Variants in GALNTL6 observed in about 807,000 individuals in gnomAD.
GALNTL6 encodes polypeptide N-acetylgalactosaminyltransferase like 6.
Under a neutral mutation model 73.7 loss-of-function variants are expected in GALNTL6, and 46 were observed. The observed-to-expected ratio is 0.62, with a 90% confidence interval of 0.49 to 0.80. The LOEUF (loss-of-function observed/expected upper bound fraction) is 0.80, where lower values mean the gene tolerates loss of function less well. GALNTL6 is among the 30% of genes least tolerant of loss of function. The pLI, the probability that GALNTL6 is intolerant of heterozygous loss-of-function variation, is 0.00. For synonymous variants in GALNTL6, 259 were observed against 263.7 expected, an observed-to-expected ratio of 0.98 and a Z score of 0.17; for missense variants, 604 against 755.0, an observed-to-expected ratio of 0.80 and a Z score of 2.34.
At chr4:171,964,632 A>G (rs990570496) in intron 2 of GALNTL6, among the ~76,000 whole-genome samples, 10 of 152,118 alleles carry the variant, frequency 6.6e-5, no homozygotes, top group African/African-American at 2.2e-4. Flanking sequence ...ATATGATTAT[A>G]TTGTATTTTC....
chr4:172,182,358 C>G (rs1735275475), intron 2 of GALNTL6, among the ~76,000 whole-genome samples: 1 of 152,194 alleles, frequency 6.6e-6, no homozygotes, highest in South Asian at 2.1e-4. Context: ...GTTTTAGAAA[C>G]TATGAGGTAC....
chr4:172,069,590 T>TAC lies in GALNTL6; in HGVS notation c.139-160065_139-160064insCA, dbSNP rs1731486915. ...ACACATATATGTTATATATTATATATATAACACATATATGTTATATATATA... is the reference window on the plus strand; with the variant it reads ...ACACATATATGTTATATATTATATATACATAACACATATATGTTATATATATA... On this transcript the variant is annotated intron_variant, in intron 2 of 12. Transcript: ENST00000506823. Among the ~76,000 whole-genome samples, 2 of 65,744 alleles carry TAC rather than the reference T, an allele frequency of 3.0e-5. 1 individual carries two copies. The highest frequency in any genetic ancestry group is 7.2e-5 in the Non-Finnish European group (2 of 27,832). 43.1% of individuals were successfully genotyped at this position (65,744 alleles called of 152,430 possible). A position where few individuals can be genotyped will look rare whatever the true frequency, so the allele number is the denominator to read the frequency against.
At chr4:172,910,679 T>C (rs1747150377) in intron 8 of GALNTL6, among the ~76,000 whole-genome samples, 1 of 152,188 alleles carries the variant, frequency 6.6e-6, no homozygotes, top group South Asian at 2.1e-4. Flanking sequence ...ATCCAAGGTA[T>C]TGATTAGGCC....
chr4:172,032,346 T>C (rs1357543847), intron 2 of GALNTL6, among the ~76,000 whole-genome samples: 1 of 152,042 alleles, frequency 6.6e-6, no homozygotes, highest in Non-Finnish European at 1.5e-5. Flanking sequence ...ATATTGCTCA[T>C]ATTAAATTAA....
At chr4:171,887,383 G>T (rs147296767) in intron 2 of GALNTL6, among the ~76,000 whole-genome samples, 2 of 152,250 alleles carry the variant, frequency 1.3e-5, no homozygotes, top group African/African-American at 4.8e-5. Context: ...GATTTTAGGT[G>T]GTGAAGGGAC....
chr4:172,242,943 G>A (rs1429943622), intron 3 of GALNTL6, among the ~76,000 whole-genome samples: 1 of 152,174 alleles, frequency 6.6e-6, no homozygotes, highest in Non-Finnish European at 1.5e-5. Context: ...AAGCCAGAAG[G>A]ATCATCTGAA....
intron 5 of GALNTL6, among the ~76,000 whole-genome samples, chr4:172,401,061 T>C (rs953193934): frequency 1.3e-5 from 2 of 152,188 alleles, no homozygotes; most frequent in South Asian, 2.1e-4. Flanking sequence ...TAGTGACATA[T>C]TGAAAGGTGA....
chr4:172,668,959 A>C lies in GALNTL6; in HGVS notation c.554-140402A>C, dbSNP rs145063061. On this transcript the variant is annotated intron_variant, in intron 5 of 12. Transcript: ENST00000506823. ...CTGAAGTACTGAACTTGAAAACTCT[A>C]GAACCTGGGAAATGTAAGCATTAAA... 7.2e-5 allele frequency: 11 copies of C among 152,324 alleles called. No individual in the cohort carries two copies. In the East Asian group the frequency reaches 1.7e-3, roughly 24 times the overall value. 9.4% of individuals were successfully genotyped at this position (152,324 alleles called of 1,614,324 possible).
intron 2 of GALNTL6, among the ~76,000 whole-genome samples, chr4:172,055,078 T>C (rs1473471590): frequency 6.6e-6 from 1 of 152,116 alleles, no homozygotes; most frequent in Non-Finnish European, 1.5e-5. Context: ...GAAGACAGAA[T>C]CTCACTTTAT....
chr4:172,425,241 A>G (rs563063033), intron 5 of GALNTL6: 1 of 152,232 alleles, frequency 6.6e-6, no homozygotes, highest in South Asian at 2.1e-4. Flanking sequence ...CAAATCACAC[A>G]AAGGTATGCA....
rs145076463 is a variant in GALNTL6 at position 172,112,212 on chromosome 4, T to C, written c.139-117444T>C. ...ATGCATTTATGGCCTTTCCATATCT[T>C]TTCATGGCTTGATAGCTCACCTCTT... On this transcript the variant is annotated intron_variant, in intron 2 of 12. Coordinates refer to ENST00000506823, the MANE Select transcript of GALNTL6 (RefSeq NM_001034845.3). Among the ~76,000 whole-genome samples the C allele has an allele frequency of 1.4e-4, 22 of 152,216 alleles. No individual in the cohort carries two copies. The East Asian group carries it at 3.3e-3, about 23-fold the overall frequency.
At chr4:171,948,443 AT>A (rs1406666251) in intron 2 of GALNTL6, among the ~76,000 whole-genome samples, 3 of 152,176 alleles carry the variant, frequency 2.0e-5, no homozygotes, top group African/African-American at 7.2e-5. Flanking sequence ...GCTGGGGTAA[AT>A]TTGCCACTAA....
chr4:172,736,135 G>A (rs967168175), intron 5 of GALNTL6, among the ~76,000 whole-genome samples: 1 of 152,208 alleles, frequency 6.6e-6, no homozygotes, highest in Non-Finnish European at 1.5e-5. Context: ...ACAGGAAACA[G>A]GGTTTGAGAG....
At chr4:173,034,717 C>T (rs1753612504) in intron 12 of GALNTL6, among the ~76,000 whole-genome samples, 2 of 152,120 alleles carry the variant, frequency 1.3e-5, no homozygotes, top group African/African-American at 4.8e-5. Context: ...TCACACTGGC[C>T]CCACCCCTGG....
intron 5 of GALNTL6, among the ~76,000 whole-genome samples, chr4:172,797,310 GATATCGGCT>G (rs1740328389): frequency 6.6e-6 from 1 of 152,054 alleles, no homozygotes; most frequent in Admixed American, 6.6e-5. Context: ...TGGCGCTATG[GATATCGGCT>G]CACTGCAACC....
intron 11 of GALNTL6, among the ~76,000 whole-genome samples, chr4:173,016,401 G>A (rs1236778297): frequency 1.3e-5 from 2 of 152,226 alleles, no homozygotes; most frequent in Non-Finnish European, 2.9e-5. Context: ...GCTGGGAGGG[G>A]GCTGAAACCT....
intron 2 of GALNTL6, among the ~76,000 whole-genome samples, chr4:172,183,278 T>G (rs578171050): frequency 3.3e-4 from 50 of 152,194 alleles, no homozygotes; most frequent in Non-Finnish European, 6.8e-4. Flanking sequence ...ATGAATAACA[T>G]TACCGTTCCA....
At chr4:171,861,843 C>T (rs1735837236) in intron 2 of GALNTL6, among the ~76,000 whole-genome samples, 2 of 152,136 alleles carry the variant, frequency 1.3e-5, no homozygotes, top group African/African-American at 4.8e-5. Flanking sequence ...GTATGTTTTA[C>T]AAAATCGCTT....
chr4:172,040,041 T>C (rs562411509), intron 2 of GALNTL6, among the ~76,000 whole-genome samples: 116 of 152,150 alleles, frequency 7.6e-4, no homozygotes, highest in Non-Finnish European at 1.4e-3. Context: ...CATATGCTTA[T>C]GAAATAGTAA....
Sources: allele counts gnomAD v4.1 joint callset (sites outside exome capture counted in the v4.1 genomes callset), GRCh38; gene constraint gnomAD v4.1.1; transcripts MANE v1.5; gene names NCBI Gene and HGNC (gene_info 2026-07-23, HGNC 2026-07-21).